TCTN2: variants seen among roughly 807,000 people sequenced by gnomAD.
TCTN2 encodes the protein tectonic-2.
TCTN2 carries 66 observed loss-of-function variants against 83.4 expected under a neutral mutation model. The ratio of observed to expected loss-of-function variants is 0.79; its 90% CI spans 0.65 to 0.97. The LOEUF (loss-of-function observed/expected upper bound fraction) is 0.97, where lower values mean the gene tolerates loss of function less well. Among genes scored for constraint, TCTN2 ranks in the 50% least tolerant of loss-of-function variants. The pLI is 0.00. For synonymous variants in TCTN2, 301 were observed against 326.7 expected, an observed-to-expected ratio of 0.92 and a Z score of 0.85; for missense variants, 794 against 858.1, an observed-to-expected ratio of 0.93 and a Z score of 0.93.
rs193008632 is a variant in TCTN2 at position 123,706,750 on chromosome 12, C to T, written c.1794C>T (p.Tyr598=). 13 of 1,614,064 alleles carry T rather than the reference C, an allele frequency of 8.1e-6. 1 individual carries two copies. The Admixed American group carries it at 8.3e-5, about 10-fold the overall frequency. The change falls in exon 16 of 18, where the codon TAC becomes TAT. Residue 598 remains tyrosine, a synonymous_variant. Transcript: ENST00000303372. ...ETRFSSVNWQ[Y]QCGLTCEHKA... ...GGTTCTCCTCAGTGAACTGGCAGTA[C>T]CAGTGTGGGCTTACCTGTGAGCACA...
Position 123,707,871 on chromosome 12 carries a change from CG to C in TCTN2, c.*160del. 1 of 654,982 alleles carries C rather than the reference CG, an allele frequency of 1.5e-6. No homozygotes were observed. Among genetic ancestry groups the C allele is most frequent in the South Asian group, 1.7e-5 (1 of 60,558 alleles). The allele number at this position is 654,982 out of a possible 1,614,324, so 40.6% of individuals were successfully genotyped here. ...GATTACAGGCATGCACCACCACGCCCGGCTAATTTTGTATTTTTAGTAGAGA... is the reference window on the plus strand; with the variant it reads ...GATTACAGGCATGCACCACCACGCCCGCTAATTTTGTATTTTTAGTAGAGA... On this transcript the variant is annotated 3_prime_UTR_variant, in exon 18 of 18. Transcript: ENST00000303372.
intron 15 of TCTN2, among the ~76,000 whole-genome samples, chr12:123,706,289 T>C (rs12827074): frequency 0.36 from 54,567 of 152,058 alleles, 10,279 homozygotes; most frequent in African/African-American, 0.41. Context: ...TCCGCAGTAC[T>C]CTTCTGAGGA....
chr12:123,705,686 A>G (rs1400958956), intron 15 of TCTN2, among the ~76,000 whole-genome samples: 5 of 152,020 alleles, frequency 3.3e-5, no homozygotes. Context: ...CAGCACCAGC[A>G]ATCCAGGCTT....
intron 15 of TCTN2, 111 bp downstream of exon 15, chr12:123,704,799 C>CT: frequency 8.5e-7 from 1 of 1,172,642 alleles, no homozygotes; most frequent in Non-Finnish European, 1.3e-6. Context: ...TTACAACTTG[C>CT]AATTATTAGC....
intron 14 of TCTN2, among the ~76,000 whole-genome samples, chr12:123,703,168 TTA>T (rs1246318543): frequency 6.6e-6 from 1 of 150,824 alleles, no homozygotes; most frequent in Non-Finnish European, 1.5e-5. Context: ...TGTTTTATTA[TTA>T]TTTTTTTTTC....
chr12:123,674,923 G>A (rs1244458540), intron 4 of TCTN2, among the ~76,000 whole-genome samples: 4 of 152,098 alleles, frequency 2.6e-5, no homozygotes, highest in Admixed American at 2.6e-4. Context: ...CCAGGCTGGA[G>A]CTAGAGTGCA....
At chr12:123,678,254 G>T (rs914911134) in intron 4 of TCTN2, among the ~76,000 whole-genome samples, 4 of 152,324 alleles carry the variant, frequency 2.6e-5, no homozygotes, top group African/African-American at 9.6e-5. Flanking sequence ...GTTGAAAGGG[G>T]ATGGGTCTTA....
intron 15 of TCTN2, 31 bp from the exon 16 acceptor site, chr12:123,706,695 C>G (rs752895956): frequency 6.2e-7 from 1 of 1,613,630 alleles, no homozygotes; most frequent in Non-Finnish European, 8.5e-7. Flanking sequence ...TGAATGGTGG[C>G]TATGCTGACC....
chr12:123,704,227 G>C (rs1276175109), intron 14 of TCTN2, among the ~76,000 whole-genome samples: 2 of 151,924 alleles, frequency 1.3e-5, no homozygotes, highest in South Asian at 2.1e-4. Flanking sequence ...GAATGGTCTC[G>C]ATCTCTTGAC....
chr12:123,701,969 A>G (rs996310005), intron 14 of TCTN2, among the ~76,000 whole-genome samples: 1 of 152,150 alleles, frequency 6.6e-6, no homozygotes, highest in South Asian at 2.1e-4. Flanking sequence ...AATCCAAAAT[A>G]TCCTTTGAGT....
chr12:123,680,085 G>A (rs190736677), intron 5 of TCTN2, among the ~76,000 whole-genome samples: 24 of 152,082 alleles, frequency 1.6e-4, no homozygotes, highest in Non-Finnish European at 2.1e-4. Context: ...GGGCGCAGTG[G>A]CGCATACCTG....
At chr12:123,697,626 A>G (rs1458783254) in intron 13 of TCTN2, among the ~76,000 whole-genome samples, 1 of 151,648 alleles carries the variant, frequency 6.6e-6, no homozygotes, top group Non-Finnish European at 1.5e-5. Flanking sequence ...TAGCCTCCCT[A>G]GCAGCTGGGA....
intron 3 of TCTN2, 33 bp from the exon 4 acceptor site, chr12:123,673,582 C>A (rs981670051): frequency 1.2e-6 from 2 of 1,606,996 alleles, no homozygotes; most frequent in African/African-American, 2.7e-5. Flanking sequence ...TGTTTTGAGT[C>A]ACTTTAAAAA....
At chr12:123,692,818 T>G in intron 9 of TCTN2, 95 bp downstream of exon 9, 3 of 1,027,854 alleles carry the variant, frequency 2.9e-6, no homozygotes, top group Non-Finnish European at 4.5e-6. Context: ...TTTTTGTTAG[T>G]CATTTAAAAA....
intron 14 of TCTN2, chr12:123,700,185 T>C: frequency 2.8e-6 from 1 of 360,676 alleles, no homozygotes; most frequent in South Asian, 2.3e-5. Flanking sequence ...CTAATTTTTT[T>C]ATTATTTGTA....
At position 123,707,743 on chromosome 12, in the gene TCTN2, T is replaced by TG. The variant is rs1363783523; in HGVS notation, c.*32dup. 8 of 1,575,382 alleles carry TG rather than the reference T, an allele frequency of 5.1e-6. No individual in the cohort carries two copies. Among genetic ancestry groups the TG allele is most frequent in the African/African-American group, 2.7e-5 (2 of 74,090 alleles). ...CCACCTGGCTTTTATTTTTTTGAGATGGAGTTTTGCTCTTGTTGCCCAGGC... is the reference window on the plus strand; with the variant it reads ...CCACCTGGCTTTTATTTTTTTGAGATGGGAGTTTTGCTCTTGTTGCCCAGGC... On this transcript the variant is annotated 3_prime_UTR_variant, in exon 18 of 18. Coordinates refer to ENST00000303372, the MANE Select transcript of TCTN2 (RefSeq NM_024809.5).
At chr12:123,678,348 A>T (rs1955850353) in intron 4 of TCTN2, among the ~76,000 whole-genome samples, 2 of 152,244 alleles carry the variant, frequency 1.3e-5, no homozygotes, top group South Asian at 4.1e-4. Flanking sequence ...GCTCATTCAT[A>T]ATTTTTACAT....
At chr12:123,693,894 T>C (rs1361238340) in intron 9 of TCTN2, among the ~76,000 whole-genome samples, 1 of 151,912 alleles carries the variant, frequency 6.6e-6, no homozygotes, top group East Asian at 1.9e-4. Context: ...CTCAGCTCAC[T>C]GTACCCTCCA....
intron 13 of TCTN2, among the ~76,000 whole-genome samples, chr12:123,698,490 C>T (rs911447753): frequency 8.2e-4 from 124 of 152,036 alleles, no homozygotes; most frequent in African/African-American, 2.8e-3. Context: ...CAGACTGGAG[C>T]GCAGTGGTGT....
Sources: gnomAD v4.1 joint callset for allele counts (sites outside exome capture counted in the v4.1 genomes callset) on GRCh38, gnomAD v4.1.1 for gene constraint, MANE v1.5 for transcripts, NCBI Gene and HGNC (gene_info 2026-07-23, HGNC 2026-07-21) for gene names.